Variants in SPOCK1 observed in about 807,000 individuals in gnomAD.
SPOCK1 encodes SPARC (osteonectin), cwcv and kazal like domains proteoglycan 1, also known as testican-1.
In SPOCK1, 23 loss-of-function variants were observed where a neutral mutation model predicts 55.3. The observed-to-expected ratio is 0.42, with a 90% CI of 0.30 to 0.59. SPOCK1 has a LOEUF of 0.59. Ranked by LOEUF, SPOCK1 falls within the 20% of genes least tolerant of loss-of-function variation. The probability of loss-of-function intolerance (pLI) is 0.22; values close to 1 mark genes in which losing one functional copy is unlikely to be tolerated. For missense variants in SPOCK1, 499 were observed against 552.5 expected (o/e 0.90, Z 0.97); for synonymous variants, 226 against 221.0 (o/e 1.02, Z -0.20).
At chr5:137,085,781 T>C (rs978858110) in intron 5 of SPOCK1, among the ~76,000 whole-genome samples, 21 of 152,178 alleles carry the variant, frequency 1.4e-4, no homozygotes, top group Non-Finnish European at 2.8e-4. Flanking sequence ...AAGGTAAGCA[T>C]GCTTGGTTCT....
intron 2 of SPOCK1, among the ~76,000 whole-genome samples, chr5:137,362,330 CTTTT>C (rs745634969): frequency 7.3e-6 from 1 of 136,626 alleles, no homozygotes. Flanking sequence ...CGTCAGCAAC[CTTTT>C]TTTTTTTTTT....
intron 5 of SPOCK1, among the ~76,000 whole-genome samples, chr5:137,093,838 A>G (rs572058659): frequency 6.6e-6 from 1 of 152,352 alleles, no homozygotes; most frequent in African/African-American, 2.4e-5. Context: ...ATGGTAAGAC[A>G]GAGGTCAGAT....
intron 3 of SPOCK1, among the ~76,000 whole-genome samples, chr5:137,264,330 C>G (rs1756805477): frequency 6.6e-6 from 1 of 152,168 alleles, no homozygotes; most frequent in Non-Finnish European, 1.5e-5. Flanking sequence ...CTATGGCACC[C>G]CACTGCCAAG....
intron 3 of SPOCK1, among the ~76,000 whole-genome samples, chr5:137,162,534 C>T (rs1754579866): frequency 1.3e-5 from 2 of 152,232 alleles, no homozygotes; most frequent in South Asian, 2.1e-4. Context: ...TTAGCAACCT[C>T]TAAAAACATT....
rs60401497 is a variant in SPOCK1 at position 137,192,232 on chromosome 5, CAAAAAAAAAA to C, written c.233-51548_233-51539del. 1.0e-4 allele frequency among the ~76,000 whole-genome samples: 7 copies of C among 68,278 alleles called. No homozygotes were observed. In the South Asian group the frequency reaches 1.8e-3, roughly 17 times the overall value. The allele number at this position is 68,278 out of a possible 152,430, so 44.8% of individuals were successfully genotyped here. ...TGGGTGACAGAGCAAGACTCTGTCT[CAAAAAAAAAA>C]AAAAAAAAAAAAAGAAAAGGAAAAC... On this transcript the variant is annotated intron_variant, in intron 3 of 10. Coordinates refer to ENST00000394945, the MANE Select transcript of SPOCK1 (RefSeq NM_004598.4).
intron 6 of SPOCK1, among the ~76,000 whole-genome samples, chr5:137,039,270 CTTTTTT>C (rs11479277): frequency 2.2e-5 from 2 of 88,900 alleles, no homozygotes; most frequent in Non-Finnish European, 4.5e-5. Flanking sequence ...GCCTGCCACA[CTTTTTT>C]TTTTTTTTTT....
At chr5:137,419,605 C>G (rs1561530810) in intron 2 of SPOCK1, among the ~76,000 whole-genome samples, 2 of 152,132 alleles carry the variant, frequency 1.3e-5, no homozygotes, top group African/African-American at 2.4e-5. Context: ...CTCTGTTTGT[C>G]TGTTATTGGT....
At chr5:137,412,501 C>T (rs554516164) in intron 2 of SPOCK1, among the ~76,000 whole-genome samples, 1 of 152,314 alleles carries the variant, frequency 6.6e-6, no homozygotes, top group South Asian at 2.1e-4. Flanking sequence ...CATAGCTGTC[C>T]ACTTTGGTTT....
At chr5:137,203,307 C>T (rs945024021) in intron 3 of SPOCK1, among the ~76,000 whole-genome samples, 3 of 151,610 alleles carry the variant, frequency 2.0e-5, no homozygotes, top group Non-Finnish European at 2.9e-5. Context: ...GCCTCATCAT[C>T]GAGGGAAAAA....
intron 6 of SPOCK1, among the ~76,000 whole-genome samples, chr5:137,062,358 G>C (rs1752408590): frequency 1.3e-5 from 2 of 151,996 alleles, no homozygotes; most frequent in African/African-American, 4.8e-5. Flanking sequence ...GGGCTGCTAT[G>C]CTCAGGCCAG....
chr5:137,219,318 G>C lies in SPOCK1; in HGVS notation c.232+47692C>G, dbSNP rs1464071414. Reference sequence around the variant, plus strand: ...TCATTAAATGTTAACTCTTCCTTGTGAGAGGTGGAGTTCAGTGGAGGCAGA... The same window carrying C: ...TCATTAAATGTTAACTCTTCCTTGTCAGAGGTGGAGTTCAGTGGAGGCAGA... On this transcript the variant is annotated intron_variant, in intron 3 of 10. Transcript: ENST00000394945. 2.6e-5 allele frequency among the ~76,000 whole-genome samples: 4 copies of C among 152,178 alleles called. No homozygotes were observed. In the South Asian group the frequency reaches 8.3e-4, roughly 32 times the overall value.
In SPOCK1 at chr5:137,390,869, C is replaced by T. The variant is rs143422778; in HGVS notation, c.186+107504G>A. 7.0e-3 allele frequency among the ~76,000 whole-genome samples: 1,062 copies of T among 152,166 alleles called. 5 individuals are homozygous for T. The highest frequency in any genetic ancestry group is 0.031 in the Middle Eastern group (9 of 294). On this transcript the variant is annotated intron_variant, in intron 2 of 10. Coordinates refer to ENST00000394945, the MANE Select transcript of SPOCK1 (RefSeq NM_004598.4). ...GGTGTGGCAAATGGAACAGAGCTGGCGGGAGTGTGTATAAATATATGTATA... is the reference window on the plus strand; with the variant it reads ...GGTGTGGCAAATGGAACAGAGCTGGTGGGAGTGTGTATAAATATATGTATA...
intron 2 of SPOCK1, among the ~76,000 whole-genome samples, chr5:137,480,442 C>T (rs144861875): frequency 6.6e-6 from 1 of 152,204 alleles, no homozygotes; most frequent in East Asian, 1.9e-4. Context: ...ATATACTAAT[C>T]CTATTATGTG....
chr5:137,401,558 C>CAAAAAAAAAA (rs34044799), intron 2 of SPOCK1, among the ~76,000 whole-genome samples: 2 of 100,452 alleles, frequency 2.0e-5, no homozygotes, highest in Non-Finnish European at 1.9e-5. Context: ...CTCATCTCTA[C>CAAAAAAAAAA]AAAAAAAAAA....
At chr5:137,161,005 G>A (rs1754543092) in intron 3 of SPOCK1, among the ~76,000 whole-genome samples, 1 of 35,464 alleles carries the variant, frequency 2.8e-5, no homozygotes, top group Admixed American at 2.4e-4. Context: ...AAGAAACTGT[G>A]AGATATATAT....
At chr5:137,407,379 G>A (rs1468962200) in intron 2 of SPOCK1, among the ~76,000 whole-genome samples, 1 of 152,116 alleles carries the variant, frequency 6.6e-6, no homozygotes, top group Non-Finnish European at 1.5e-5. Flanking sequence ...TTAACCCAGA[G>A]GGCAGGATGT....
intron 3 of SPOCK1, among the ~76,000 whole-genome samples, chr5:137,219,023 A>G (rs995247900): frequency 1.3e-5 from 2 of 152,220 alleles, no homozygotes; most frequent in Non-Finnish European, 2.9e-5. Context: ...AACCTTAAGG[A>G]GGCATATGAG....
At chr5:137,195,706 C>G (rs951656560) in intron 3 of SPOCK1, among the ~76,000 whole-genome samples, 1 of 152,208 alleles carries the variant, frequency 6.6e-6, no homozygotes, top group East Asian at 1.9e-4. Flanking sequence ...ACCCAGACTA[C>G]CTACTCCAAG....
At chr5:137,403,732 A>T (rs2127185268) in intron 2 of SPOCK1, among the ~76,000 whole-genome samples, 1 of 152,060 alleles carries the variant, frequency 6.6e-6, no homozygotes, top group East Asian at 2.0e-4. Context: ...TTGTTCAAAA[A>T]ACAGCAAGGG....
Sources: gnomAD v4.1 joint callset for allele counts (sites outside exome capture counted in the v4.1 genomes callset) on GRCh38, gnomAD v4.1.1 for gene constraint, MANE v1.5 for transcripts, NCBI Gene and HGNC (gene_info 2026-07-23, HGNC 2026-07-21) for gene names.